Variants in HAT1 observed in about 807,000 individuals in gnomAD.
The protein encoded by HAT1 is histone acetyltransferase 1, also known as histone acetyltransferase type B catalytic subunit.
Under a neutral mutation model 56.6 loss-of-function variants are expected in HAT1, and 20 were observed. The ratio of observed to expected loss-of-function variants is 0.35; its 90% CI spans 0.25 to 0.51. The LOEUF (loss-of-function observed/expected upper bound fraction) is 0.51, where lower values mean the gene tolerates loss of function less well. Among genes scored for constraint, HAT1 ranks in the 20% least tolerant of loss-of-function variants. The pLI is 0.95. For missense variants in HAT1, 408 were observed against 504.3 expected, an observed-to-expected ratio of 0.81 and a Z score of 1.83; for synonymous variants, 146 against 165.5, an observed-to-expected ratio of 0.88 and a Z score of 0.91.
chr2:171,954,393 G>A (rs976995989), intron 4 of HAT1, among the ~76,000 whole-genome samples: 2 of 152,112 alleles, frequency 1.3e-5, no homozygotes, highest in East Asian at 1.9e-4. Flanking sequence ...TAAAGGTAAA[G>A]AGAGAGATGA....
chr2:171,953,465 G>A (rs1431276950), intron 4 of HAT1, among the ~76,000 whole-genome samples: 2 of 151,370 alleles, frequency 1.3e-5, no homozygotes, highest in African/African-American at 4.9e-5. Flanking sequence ...AGGATCTCAA[G>A]CCCAGGAGTT....
chr2:171,965,678 C>T, intron 5 of HAT1, 109 bp from the exon 6 acceptor site: 1 of 1,139,040 alleles, frequency 8.8e-7, no homozygotes, highest in Non-Finnish European at 1.3e-6. Flanking sequence ...ATGTTCACAT[C>T]TTAATCTGAG....
At chr2:171,947,556 T>G (rs1687199000) in intron 3 of HAT1, among the ~76,000 whole-genome samples, 1 of 152,156 alleles carries the variant, frequency 6.6e-6, no homozygotes, top group East Asian at 1.9e-4. Flanking sequence ...GTACCTGCCC[T>G]GAAGTTTATT....
At chr2:171,942,113 C>T (rs1181519548) in intron 2 of HAT1, among the ~76,000 whole-genome samples, 1 of 152,166 alleles carries the variant, frequency 6.6e-6, no homozygotes, top group Non-Finnish European at 1.5e-5. Context: ...CCATGTTGGC[C>T]AGGCTGGTCT....
intron 2 of HAT1, among the ~76,000 whole-genome samples, chr2:171,945,440 G>A (rs181872310): frequency 1.3e-5 from 2 of 151,020 alleles, no homozygotes; most frequent in East Asian, 2.0e-4. Context: ...GCTTGTGGGT[G>A]TATAAACTGT....
intron 8 of HAT1, among the ~76,000 whole-genome samples, chr2:171,969,748 C>A (rs1687768409): frequency 6.6e-6 from 1 of 152,050 alleles, no homozygotes; most frequent in Non-Finnish European, 1.5e-5. Context: ...TGTTTTTTGA[C>A]TTATGTGAAA....
chr2:171,954,723 A>C (rs557342693), intron 4 of HAT1, among the ~76,000 whole-genome samples: 24 of 152,318 alleles, frequency 1.6e-4, no homozygotes, highest in African/African-American at 4.3e-4. Context: ...TCTGTGGTAG[A>C]CTGAATAATG....
intron 9 of HAT1, among the ~76,000 whole-genome samples, chr2:171,976,991 T>C (rs11683436): frequency 0.16 from 24,098 of 151,446 alleles, 2,514 homozygotes; most frequent in African/African-American, 0.28. Flanking sequence ...CTGGCTAACA[T>C]GGTGAAACCC....
Position 171,966,844 on chromosome 2 carries a change from C to T in HAT1, c.718C>T (p.Gln240Ter). The change falls in exon 8 of 11, where the codon CAG (glutamine) becomes TAG (stop). Residue 240 changes from glutamine (Q) to a stop codon, truncating the protein, a stop_gained and splice_region_variant. Transcript: ENST00000264108. LOFTEE classifies it high-confidence loss of function. The part of the protein sequence containing the change: ...YPDKTRPRVS[Q>*]MLILTPFQGQ... The stretch of plus-strand genomic sequence containing the variant: ...TTTAAAATAATTTCTTTACTGTAGT[C>T]AGATGCTGATTTTGACTCCATTTCA... The T allele has an allele frequency of 6.8e-7, 1 of 1,470,474 alleles. No homozygotes were observed. Among genetic ancestry groups the T allele is most frequent in the Non-Finnish European group, 9.5e-7 (1 of 1,052,746 alleles). 91.1% of individuals were successfully genotyped at this position (1,470,474 alleles called of 1,614,324 possible).
intron 2 of HAT1, among the ~76,000 whole-genome samples, chr2:171,933,881 G>A (rs1449223784): frequency 6.6e-6 from 1 of 152,174 alleles, no homozygotes; most frequent in East Asian, 1.9e-4. Flanking sequence ...GCAGTTTTAT[G>A]TAGTGTTCTA....
Position 171,925,597 on chromosome 2 carries a change from C to T in HAT1, c.68C>T (p.Ala23Val). 2.5e-6 allele frequency: 4 copies of T among 1,581,864 alleles called. No homozygotes were observed. The highest frequency in any genetic ancestry group is 3.5e-6 in the Non-Finnish European group (4 of 1,150,862). ...EYKSAVEKKL[A>V]EYKCNTNTAI... is the part of the protein sequence containing the mutation. ...AAGAGTGCAGTGGAGAAGAAACTGGCAGAGTACAAATGTAACACCAACACA... is the reference window on the plus strand; with the variant it reads ...AAGAGTGCAGTGGAGAAGAAACTGGTAGAGTACAAATGTAACACCAACACA... The change falls in exon 2 of 11, where the codon GCA becomes GTA. Residue 23 changes from alanine (A) to valine (V), a missense_variant. By Grantham distance (64) the Ala-to-Val change is moderately conservative (BLOSUM62 0). Transcript: ENST00000264108.
chr2:171,948,107 CTTG>C (rs1035013198), intron 3 of HAT1, among the ~76,000 whole-genome samples: 1 of 152,144 alleles, frequency 6.6e-6, no homozygotes, highest in Non-Finnish European at 1.5e-5. Context: ...TCATTCTCTC[CTTG>C]TTGTTGAACC....
At chr2:171,934,610 G>C (rs1402538706) in intron 2 of HAT1, among the ~76,000 whole-genome samples, 1 of 152,182 alleles carries the variant, frequency 6.6e-6, no homozygotes, top group East Asian at 1.9e-4. Context: ...GGAGGAGTGA[G>C]TAGACTTGAG....
At chr2:171,928,105 G>A (rs748183309) in intron 2 of HAT1, among the ~76,000 whole-genome samples, 2 of 151,750 alleles carry the variant, frequency 1.3e-5, no homozygotes, top group African/African-American at 2.4e-5. Context: ...GACTGGTCTC[G>A]AACTCCTGAC....
At chr2:171,938,249 A>T (rs72889094) in intron 2 of HAT1, among the ~76,000 whole-genome samples, 1 of 151,910 alleles carries the variant, frequency 6.6e-6, no homozygotes, top group African/African-American at 2.4e-5. Flanking sequence ...GAAAGAAGCA[A>T]CAGTAAATAT....
chr2:171,973,508 A>G (rs1316051357), intron 8 of HAT1, among the ~76,000 whole-genome samples: 1 of 151,842 alleles, frequency 6.6e-6, no homozygotes, highest in Non-Finnish European at 1.5e-5. Flanking sequence ...AGAATCCTCT[A>G]ATCCAGGAGT....
chr2:171,932,452 CT>C (rs1286650737), intron 2 of HAT1, among the ~76,000 whole-genome samples: 2 of 152,140 alleles, frequency 1.3e-5, no homozygotes, highest in African/African-American at 4.8e-5. Flanking sequence ...AGATTTAATA[CT>C]GTTCTGATCT....
At chr2:171,981,469 T>C (rs1688132081) in intron 10 of HAT1, among the ~76,000 whole-genome samples, 1 of 152,218 alleles carries the variant, frequency 6.6e-6, no homozygotes, top group Admixed American at 6.5e-5. Flanking sequence ...TGGATTCTGC[T>C]TTATAGAGCC....
intron 3 of HAT1, among the ~76,000 whole-genome samples, chr2:171,949,400 G>A (rs779267506): frequency 5.9e-5 from 9 of 151,840 alleles, no homozygotes; most frequent in African/African-American, 1.7e-4. Context: ...TTTTTTGGCC[G>A]GGTGCAGTGG....
Sources: allele counts gnomAD v4.1 joint callset (sites outside exome capture counted in the v4.1 genomes callset), GRCh38; gene constraint gnomAD v4.1.1; transcripts MANE v1.5; gene names NCBI Gene and HGNC (gene_info 2026-07-23, HGNC 2026-07-21).